SIDT1: variants seen among roughly 807,000 people sequenced by gnomAD.
SIDT1 encodes SID1 transmembrane family, member 1.
A neutral mutation model predicts 107.5 loss-of-function variants in SIDT1; 101 were observed. That is an observed-to-expected ratio of 0.94 (90% CI 0.80 to 1.11). The LOEUF (loss-of-function observed/expected upper bound fraction) is 1.11. Among genes scored for constraint, SIDT1 ranks in the 50% least tolerant of loss-of-function variants. The pLI, the probability that SIDT1 is intolerant of heterozygous loss-of-function variation, is 0.00. For missense variants in SIDT1, 1,076 were observed against 1,058.2 expected (o/e 1.02, Z -0.23); for synonymous variants, 395 against 398.2 (o/e 0.99, Z 0.10).
At chr3:113,605,420 C>T (rs1945259465) in intron 14 of SIDT1, among the ~76,000 whole-genome samples, 1 of 152,164 alleles carries the variant, frequency 6.6e-6, no homozygotes, top group Admixed American at 6.5e-5. Context: ...GCCACCACAC[C>T]CAGCCCATTG....
downstream of SIDT1, among the ~76,000 whole-genome samples, chr3:113,633,465 C>T (rs559201088): frequency 7.0e-4 from 106 of 152,168 alleles, 1 homozygote; most frequent in South Asian, 0.021. Context: ...GAGACCAATT[C>T]GAAGGTCACG....
intron 1 of SIDT1, among the ~76,000 whole-genome samples, chr3:113,546,184 G>C (rs1469274531): frequency 6.6e-6 from 1 of 152,140 alleles, no homozygotes; most frequent in African/African-American, 2.4e-5. Context: ...GATAAGATGA[G>C]AGGATTGCAT....
In SIDT1 at chr3:113,585,208, T is replaced by C. The variant is rs1420196652; in HGVS notation, c.939T>C (p.Ser313=). The part of the protein sequence containing the change: ...ESVYVKSSLF[S]VFIFLSFYLG... ...TTTATGTGAAATCCAGTCTTTTCAG[T>C]GTCTTCATCTTCCTGTCCTTCTACT... The change falls in exon 9 of 25, where the codon AGT becomes AGC. Residue 313 remains serine, a synonymous_variant. Transcript: ENST00000264852. 1 of 1,613,634 alleles carries C rather than the reference T, an allele frequency of 6.2e-7. No individual in the cohort carries two copies. Among genetic ancestry groups the C allele is most frequent in the Non-Finnish European group, 8.5e-7 (1 of 1,179,712 alleles).
At chr3:113,576,814 C>A in intron 3 of SIDT1, 108 bp from the exon 4 acceptor site, 1 of 1,179,370 alleles carries the variant, frequency 8.5e-7, no homozygotes, top group Non-Finnish European at 1.3e-6. Context: ...TGAAGCTCTC[C>A]TTGAGTCTAC....
intron 21 of SIDT1, among the ~76,000 whole-genome samples, chr3:113,622,307 A>G (rs1186646043): frequency 6.6e-6 from 1 of 151,904 alleles, no homozygotes; most frequent in African/African-American, 2.4e-5. Flanking sequence ...TACTAAAAAT[A>G]CAAAAAATTA....
intron 1 of SIDT1, among the ~76,000 whole-genome samples, chr3:113,541,965 C>T (rs1938948900): frequency 6.7e-6 from 1 of 150,198 alleles, no homozygotes; most frequent in Admixed American, 6.6e-5. Context: ...GTTCTGTCAC[C>T]CAGGTTGGAG....
intron 6 of SIDT1, 142 bp downstream of exon 6, chr3:113,581,586 T>C (rs1416000530): frequency 1.1e-5 from 8 of 697,192 alleles, no homozygotes; most frequent in African/African-American, 1.8e-5. Flanking sequence ...AAAACTAATA[T>C]GTCTGGCCAG....
intron 21 of SIDT1, among the ~76,000 whole-genome samples, chr3:113,620,192 A>ATGTGTGTGTGTG (rs3085042): frequency 8.8e-4 from 127 of 144,654 alleles, no homozygotes; most frequent in South Asian, 1.6e-3. Context: ...CTTTTACTAA[A>ATGTGTGTGTGTG]TGTGTGTGTG....
chr3:113,554,845 T>C (rs2107678888), intron 1 of SIDT1, among the ~76,000 whole-genome samples: 1 of 152,164 alleles, frequency 6.6e-6, no homozygotes, highest in East Asian at 1.9e-4. Flanking sequence ...GGCATGGGCA[T>C]GTGGCCAAGG....
intron 1 of SIDT1, among the ~76,000 whole-genome samples, chr3:113,560,241 TTGTAGGAAGCC>T (rs1941302420): frequency 1.3e-5 from 2 of 152,272 alleles, no homozygotes; most frequent in South Asian, 4.1e-4. Context: ...AGAGCCCAAC[TTGTAGGAAGCC>T]TGTGCTGCTT....
rs6785829 is a variant in SIDT1 at position 113,541,131 on chromosome 3, T to C, written c.222+7888T>C. On this transcript the variant is annotated intron_variant, in intron 1 of 24. Coordinates refer to ENST00000264852, the MANE Select transcript of SIDT1 (RefSeq NM_017699.3). ...GTTCTAATATATATATATATATATA[T>C]ATACACACACATACACACACACACA... 7.7e-3 allele frequency among the ~76,000 whole-genome samples: 810 copies of C among 104,670 alleles called. 10 individuals are homozygous for C. The highest frequency in any genetic ancestry group is 0.033 in the African/African-American group (765 of 23,030). The allele number at this position is 104,670 out of a possible 152,430, so 68.7% of individuals were successfully genotyped here.
chr3:113,604,457 T>C (rs905573706), intron 13 of SIDT1, among the ~76,000 whole-genome samples: 2 of 152,194 alleles, frequency 1.3e-5, no homozygotes, highest in Non-Finnish European at 2.9e-5. Flanking sequence ...CACTCTGATG[T>C]TTAATCTAAC....
chr3:113,564,207 T>C (rs1457256713), intron 1 of SIDT1, among the ~76,000 whole-genome samples: 5 of 152,236 alleles, frequency 3.3e-5, no homozygotes, highest in Non-Finnish European at 5.9e-5. Context: ...CCGAAAGTGC[T>C]GGGATTACAG....
At chr3:113,622,489 A>G (rs1448271187) in intron 21 of SIDT1, among the ~76,000 whole-genome samples, 3 of 141,694 alleles carry the variant, frequency 2.1e-5, no homozygotes, top group Non-Finnish European at 4.6e-5. Flanking sequence ...AAAAAAAAAA[A>G]CTATTTCAAA....
At chr3:113,552,208 C>A (rs1023276510) in intron 1 of SIDT1, among the ~76,000 whole-genome samples, 1 of 152,136 alleles carries the variant, frequency 6.6e-6, no homozygotes, top group Admixed American at 6.5e-5. Flanking sequence ...CCTGTATTTG[C>A]GCTCCCTTTC....
intron 1 of SIDT1, among the ~76,000 whole-genome samples, chr3:113,546,809 CCACA>C (rs1421422232): frequency 6.6e-6 from 1 of 152,216 alleles, no homozygotes; most frequent in East Asian, 1.9e-4. Flanking sequence ...ATAGAAATAA[CCACA>C]CAGTTTTCAT....
At chr3:113,542,656 A>G (rs1281772611) in intron 1 of SIDT1, among the ~76,000 whole-genome samples, 1 of 152,088 alleles carries the variant, frequency 6.6e-6, no homozygotes, top group African/African-American at 2.4e-5. Context: ...AGTATTTCTT[A>G]CCTTTAGAAG....
At chr3:113,578,121 G>T (rs1317259411) in intron 4 of SIDT1, among the ~76,000 whole-genome samples, 1 of 152,182 alleles carries the variant, frequency 6.6e-6, no homozygotes, top group African/African-American at 2.4e-5. Context: ...TTAATTTCAA[G>T]AAATATTTTA....
chr3:113,543,626 T>G (rs573520758), intron 1 of SIDT1, among the ~76,000 whole-genome samples: 2 of 151,884 alleles, frequency 1.3e-5, no homozygotes, highest in African/African-American at 2.4e-5. Context: ...TTGCTCTGTT[T>G]TCACAGGGGA....
Sources: gnomAD v4.1 joint callset for allele counts (sites outside exome capture counted in the v4.1 genomes callset) on GRCh38, gnomAD v4.1.1 for gene constraint, MANE v1.5 for transcripts, NCBI Gene and HGNC (gene_info 2026-07-23, HGNC 2026-07-21) for gene names.